MACF1: variants seen among roughly 807,000 people sequenced by gnomAD.
MACF1 encodes the protein microtubule actin crosslinking factor 1.
Under a neutral mutation model 854.8 loss-of-function variants are expected in MACF1, and 193 were observed. The observed-to-expected ratio is 0.23, with a 90% CI of 0.20 to 0.25. MACF1 has a LOEUF of 0.25. MACF1 is among the 10% of genes least tolerant of loss of function. MACF1 has a pLI of 1.00. For synonymous variants in MACF1, 3,185 were observed against 3,226.7 expected (o/e 0.99, Z 0.44); for missense variants, 7,722 against 8,929.1 (o/e 0.86, Z 5.45).
intron 63 of MACF1, among the ~76,000 whole-genome samples, chr1:39,428,885 C>T (rs1001453274): frequency 6.6e-6 from 1 of 152,132 alleles, no homozygotes; most frequent in African/African-American, 2.4e-5. Flanking sequence ...TCTGTTCTTA[C>T]TGAATTTCTT....
chr1:39,359,230 A>G lies in MACF1; in HGVS notation c.12210A>G (p.Pro4070=). ...ACATAATGGAAATTGAAGGGGAGCCAGCCCCAGACCACAGGCATGTTCAAG... is the reference window on the plus strand; with the variant it reads ...ACATAATGGAAATTGAAGGGGAGCCGGCCCCAGACCACAGGCATGTTCAAG... ...ARDIMEIEGE[P]APDHRHVQET... Residue 4070 remains proline (P), a synonymous_variant, in exon 47 of 101, where the codon CCA becomes CCG. Coordinates refer to ENST00000564288, the MANE Select transcript of MACF1 (RefSeq NM_001394062.1). The G allele has an allele frequency of 6.2e-7, 1 of 1,614,226 alleles. No homozygotes were observed. Among genetic ancestry groups the G allele is most frequent in the Non-Finnish European group, 8.5e-7 (1 of 1,180,030 alleles).
chr1:39,258,829 G>A (rs1294160399), intron 6 of MACF1, among the ~76,000 whole-genome samples: 1 of 152,184 alleles, frequency 6.6e-6, no homozygotes, highest in Non-Finnish European at 1.5e-5. Flanking sequence ...CTGGGGAGTT[G>A]GCGCTACCTG....
chr1:39,367,447 C>T (rs1326597412), intron 49 of MACF1, among the ~76,000 whole-genome samples: 2 of 152,080 alleles, frequency 1.3e-5, no homozygotes, highest in Non-Finnish European at 2.9e-5. Context: ...GATCCACCCA[C>T]CTTGGCCCCG....
Position 39,084,516 on chromosome 1 carries a change from A to G in MACF1, c.220+78A>G. On this transcript the variant is annotated intron_variant, in intron 2 of 93. Transcript: ENST00000361689. The surrounding 1 kb of genome is among the most constrained non-coding windows in gnomAD (Gnocchi z 5.2). ...GCCAGGGCACAGCAGCTGTGTGGGG[A>G]GCCGAGGGGTCCTCACCAGGGCCTC... The G allele has an allele frequency of 1.6e-6, 2 of 1,254,058 alleles. No individual in the cohort carries two copies. The highest frequency in any genetic ancestry group is 2.6e-5 in the South Asian group (2 of 77,716). The allele number at this position is 1,254,058 out of a possible 1,614,324, so 77.7% of individuals were successfully genotyped here. A position where few individuals can be genotyped will look rare whatever the true frequency, so the allele number is the denominator to read the frequency against.
intron 2 of MACF1, among the ~76,000 whole-genome samples, chr1:39,247,171 C>T (rs2148329769): frequency 7.0e-6 from 1 of 142,812 alleles, no homozygotes; most frequent in South Asian, 2.2e-4. Flanking sequence ...CTCCCGAGTT[C>T]ACGCCATTCT....
In MACF1 at chr1:39,452,962, G is replaced by A. The variant is rs529828348; in HGVS notation, c.20742+150G>A. The A allele has an allele frequency of 1.0e-3, 824 of 796,482 alleles. 5 individuals carry two copies. Among genetic ancestry groups the A allele is most frequent in the South Asian group, 1.8e-3 (86 of 47,432 alleles). The allele number at this position is 796,482 out of a possible 1,614,324, so 49.3% of individuals were successfully genotyped here. ...TGGCCCTAGCTCATTGGTTTAGCAG[G>A]AATGAAAGGGAAGCGACTGATGGGT... On this transcript the variant is annotated intron_variant, in intron 87 of 100. Coordinates refer to ENST00000564288, the MANE Select transcript of MACF1 (RefSeq NM_001394062.1).
chr1:39,316,616 C>A, intron 28 of MACF1, 87 bp downstream of exon 28: 1 of 1,348,594 alleles, frequency 7.4e-7, no homozygotes, highest in Non-Finnish European at 1.0e-6. Context: ...GATGGCATGA[C>A]ACTGATTTAA....
intron 2 of MACF1, among the ~76,000 whole-genome samples, chr1:39,085,541 C>T (rs368729357): frequency 6.6e-5 from 10 of 152,284 alleles, no homozygotes; most frequent in Non-Finnish European, 1.5e-4. Context: ...AATAGCTCTT[C>T]CTCTCTTAGT....
chr1:39,258,657 T>C (rs1645123123), intron 6 of MACF1, among the ~76,000 whole-genome samples: 1 of 152,234 alleles, frequency 6.6e-6, no homozygotes, highest in Non-Finnish European at 1.5e-5. Flanking sequence ...AAAAGGCTGT[T>C]CTTTTACATC....
rs1427904037 is a variant in MACF1 at position 39,479,908 on chromosome 1, C to T, written c.22069C>T (p.Arg7357Trp). The change falls in exon 98 of 101, where the codon CGG becomes TGG. Residue 7357 changes from arginine to tryptophan, a missense_variant. By Grantham distance (101) the Arg-to-Trp change is moderately radical. Coordinates refer to ENST00000564288, the MANE Select transcript of MACF1 (RefSeq NM_001394062.1). The stretch of plus-strand genomic sequence containing the variant: ...GGGTCGAAGGTCCAAACCATCTTCC[C>T]GGGCAGCTTCCCCTACTCGTTCCAG... ...SRGRRSKPSS[R>W]AASPTRSSSS... is the part of the protein sequence containing the mutation. The T allele has an allele frequency of 2.5e-6, 4 of 1,614,210 alleles. No homozygotes were observed. Among genetic ancestry groups the T allele is most frequent in the East Asian group, 2.2e-5 (1 of 44,882 alleles).
intron 2 of MACF1, among the ~76,000 whole-genome samples, chr1:39,245,443 A>G (rs542479153): frequency 4.6e-4 from 70 of 152,172 alleles, no homozygotes; most frequent in African/African-American, 1.4e-3. Flanking sequence ...GCCATGCACA[A>G]CTTTTTTGTA....
intron 58 of MACF1, among the ~76,000 whole-genome samples, chr1:39,418,296 G>T (rs1319420276): frequency 6.6e-6 from 1 of 152,154 alleles, no homozygotes; most frequent in Non-Finnish European, 1.5e-5. Context: ...GATGCCTGTG[G>T]TTCATTTTTT....
intron 2 of MACF1, among the ~76,000 whole-genome samples, chr1:39,091,561 T>C (rs942168337): frequency 5.9e-5 from 9 of 152,172 alleles, no homozygotes; most frequent in African/African-American, 1.9e-4. Context: ...AGTGGCACGA[T>C]CTCGGCTTAC....
At chr1:39,279,584 G>A (rs1304108199) in intron 6 of MACF1, among the ~76,000 whole-genome samples, 2 of 152,092 alleles carry the variant, frequency 1.3e-5, no homozygotes, top group Non-Finnish European at 2.9e-5. Context: ...CTATTGACAT[G>A]CCGGTGTTTT....
At chr1:39,117,523 A>G (rs980176912) in intron 2 of MACF1, among the ~76,000 whole-genome samples, 1 of 140,096 alleles carries the variant, frequency 7.1e-6, no homozygotes, top group Admixed American at 7.6e-5. Flanking sequence ...TTGTCTCTCA[A>G]CCTGCAAGAG....
intron 43 of MACF1, among the ~76,000 whole-genome samples, chr1:39,352,804 A>T (rs1414543227): frequency 1.3e-5 from 2 of 151,804 alleles, no homozygotes; most frequent in Admixed American, 1.3e-4. Flanking sequence ...GCAGTAAGAT[A>T]TAATGAAATG....
chr1:39,386,592 T>A (rs1270667501), intron 57 of MACF1, among the ~76,000 whole-genome samples: 1 of 151,836 alleles, frequency 6.6e-6, no homozygotes, highest in Non-Finnish European at 1.5e-5. Context: ...CCACCATGCC[T>A]GGCTAATTTT....
intron 18 of MACF1, 32 bp downstream of exon 18, chr1:39,293,651 C>A (rs761521060): frequency 6.3e-7 from 1 of 1,589,088 alleles, no homozygotes; most frequent in East Asian, 2.2e-5. Context: ...GCCTGTCATA[C>A]TTATTTAACA....
chr1:39,330,524 G>A (rs375033493), intron 36 of MACF1, among the ~76,000 whole-genome samples: 17 of 152,232 alleles, frequency 1.1e-4, no homozygotes, highest in African/African-American at 3.1e-4. Context: ...GAACTGTTAC[G>A]TGTCTTTAAG....
Sources: gnomAD v4.1 joint callset for allele counts (sites outside exome capture counted in the v4.1 genomes callset) on GRCh38, gnomAD v4.1.1 for gene constraint, Gnocchi (gnomAD v3.1) non-coding constraint, MANE v1.5 for transcripts, NCBI Gene and HGNC (gene_info 2026-07-23, HGNC 2026-07-21) for gene names.